Variants in PRKG2 observed in about 807,000 individuals in gnomAD.
PRKG2 encodes cGMP-dependent protein kinase 2.
PRKG2 carries 33 observed loss-of-function variants against 97.2 expected under a neutral mutation model. The observed-to-expected ratio is 0.34, with a 90% CI of 0.26 to 0.45. The LOEUF (loss-of-function observed/expected upper bound fraction) is 0.45, where lower values mean the gene tolerates loss of function less well. Ranked by LOEUF, PRKG2 falls within the 20% of genes least tolerant of loss-of-function variation. The probability of loss-of-function intolerance (pLI) is 1.00; values close to 1 mark genes in which losing one functional copy is unlikely to be tolerated. For synonymous variants in PRKG2, 330 were observed against 321.8 expected, an observed-to-expected ratio of 1.03 and a Z score of -0.27; for missense variants, 638 against 900.0, an observed-to-expected ratio of 0.71 and a Z score of 3.73.
chr4:81,207,154 T>C (rs1264541248), intron 1 of PRKG2, among the ~76,000 whole-genome samples: 3 of 152,176 alleles, frequency 2.0e-5, no homozygotes, highest in African/African-American at 7.2e-5. Flanking sequence ...ATATGTTATA[T>C]TGAAATCTGA....
intron 2 of PRKG2, among the ~76,000 whole-genome samples, chr4:81,179,380 A>G (rs184862268): frequency 3.0e-4 from 46 of 152,350 alleles, no homozygotes; most frequent in Non-Finnish European, 5.7e-4. Context: ...AGAACACAGT[A>G]GCATATCTTA....
At chr4:81,163,963 T>C (rs528737336) in intron 6 of PRKG2, among the ~76,000 whole-genome samples, 1 of 151,968 alleles carries the variant, frequency 6.6e-6, no homozygotes, top group East Asian at 1.9e-4. Context: ...TTACAGTTAG[T>C]TATTTATGTT....
chr4:81,137,392 C>T lies in PRKG2; in HGVS notation c.1634+1G>A, dbSNP rs1746816692. ...TGTGAGTATACAAACTTTTTCATTA[C>T]CTGTCCCTTAATATACTCCAGAGCT... On this transcript the variant is annotated splice_donor_variant, in intron 13 of 18. Transcript: ENST00000264399. LOFTEE classifies it high-confidence loss of function. The T allele has an allele frequency of 6.2e-7, 1 of 1,600,146 alleles. No individual in the cohort carries two copies. The highest frequency in any genetic ancestry group is 8.6e-7 in the Non-Finnish European group (1 of 1,167,720).
chr4:81,157,784 T>C (rs969518324), intron 6 of PRKG2, among the ~76,000 whole-genome samples: 2 of 151,118 alleles, frequency 1.3e-5, no homozygotes, highest in Non-Finnish European at 2.9e-5. Context: ...TATACACAAA[T>C]CAATAGATGT....
At chr4:81,197,464 A>C (rs989422913) in intron 2 of PRKG2, among the ~76,000 whole-genome samples, 1 of 152,222 alleles carries the variant, frequency 6.6e-6, no homozygotes, top group African/African-American at 2.4e-5. Flanking sequence ...AAATTAAAAC[A>C]ATAGCAAGCG....
intron 8 of PRKG2, 25 bp from the exon 9 acceptor site, chr4:81,148,977 A>G (rs1560580122): frequency 1.2e-6 from 2 of 1,600,180 alleles, no homozygotes; most frequent in Admixed American, 1.7e-5. Flanking sequence ...AGGAAAGTCA[A>G]TTTTCACTAT....
At position 81,153,215 on chromosome 4, in the gene PRKG2, G is replaced by C. The variant is rs561759148; in HGVS notation, c.990+429C>G. Among the ~76,000 whole-genome samples the C allele has an allele frequency of 2.5e-4, 38 of 152,280 alleles. No homozygotes were observed. The Middle Eastern group carries it at 0.014, about 55-fold the overall frequency. ...ATTCTGAGCCATATTGGTTCTATAA[G>C]CCTGATACCTAATCATGACTGTCTT... On this transcript the variant is annotated intron_variant, in intron 7 of 18. Coordinates refer to ENST00000264399, the MANE Select transcript of PRKG2 (RefSeq NM_006259.3).
At chr4:81,147,936 G>T (rs1578420773) in intron 9 of PRKG2, among the ~76,000 whole-genome samples, 1 of 152,088 alleles carries the variant, frequency 6.6e-6, no homozygotes, top group African/African-American at 2.4e-5. Flanking sequence ...GAGATAGCAG[G>T]AAGTGGTAAA....
At chr4:81,145,941 C>T (rs1747816804) in intron 9 of PRKG2, among the ~76,000 whole-genome samples, 1 of 152,080 alleles carries the variant, frequency 6.6e-6, no homozygotes, top group Admixed American at 6.6e-5. Context: ...TCTATATTTA[C>T]TTTATTAAGC....
rs552764677 is a variant in PRKG2, at chr4:81,172,225, T to C, written c.629-421A>G. ...TGGCAAGTGTTTTGTTTAAAATTCA[T>C]TATAACCTATGAGAAATGTAATACA... On this transcript the variant is annotated intron_variant, in intron 3 of 18. Transcript: ENST00000264399. 7.9e-5 allele frequency among the ~76,000 whole-genome samples: 12 copies of C among 152,110 alleles called. No homozygotes were observed. In the South Asian group the frequency reaches 1.0e-3, roughly 13 times the overall value.
Position 81,182,139 on chromosome 4 carries a change from G to A in PRKG2, c.462-7180C>T, listed in dbSNP as rs548624836. On this transcript the variant is annotated intron_variant, in intron 2 of 18. Transcript: ENST00000264399. ...TATAGTGCCAGAATAGCCTGATAAG[G>A]AGTTATACTACAAAAAAGAAAAATA... Among the ~76,000 whole-genome samples, 18 of 151,658 alleles carry A rather than the reference G, an allele frequency of 1.2e-4. No individual in the cohort carries two copies. The South Asian group carries it at 1.5e-3, about 12-fold the overall frequency.
chr4:81,148,875 T>A lies in PRKG2; in HGVS notation c.1154+9A>T. On this transcript the variant is annotated intron_variant, in intron 9 of 18. Coordinates refer to ENST00000264399, the MANE Select transcript of PRKG2 (RefSeq NM_006259.3). ...AGTGGCCTGCCTCCTCCAACATCAG[T>A]ATACTCACTCTCGATCTATAACCAG... The A allele has an allele frequency of 2.5e-6, 4 of 1,613,012 alleles. No homozygotes were observed. Among genetic ancestry groups the A allele is most frequent in the Non-Finnish European group, 3.4e-6 (4 of 1,179,100 alleles).
chr4:81,158,155 C>A (rs546763944), intron 6 of PRKG2, among the ~76,000 whole-genome samples: 1 of 140,476 alleles, frequency 7.1e-6, no homozygotes, highest in Non-Finnish European at 1.5e-5. Context: ...TGTTTGCAGA[C>A]GATATGATTG....
chr4:81,122,061 G>C (rs1745119978), intron 14 of PRKG2, among the ~76,000 whole-genome samples: 1 of 152,130 alleles, frequency 6.6e-6, no homozygotes, highest in Non-Finnish European at 1.5e-5. Flanking sequence ...CATTCATATA[G>C]GACATTTATT....
Position 81,092,513 on chromosome 4 carries a change from G to GAAGGAAGGAAGGAAGGAAGA in PRKG2, c.2127-62_2127-61insTCTTCCTTCCTTCCTTCCTT, listed in dbSNP as rs1553916436. Reference sequence around the variant, plus strand: ...GGAAGGAAGGAAGGAAGGAAGGAAGGGAGAAAGAAAGAGACGACAAAAAGG... The same window carrying GAAGGAAGGAAGGAAGGAAGA: ...GGAAGGAAGGAAGGAAGGAAGGAAGGAAGGAAGGAAGGAAGGAAGAGAGAAAGAAAGAGACGACAAAAAGG... On this transcript the variant is annotated intron_variant, in intron 17 of 18. Coordinates refer to ENST00000264399, the MANE Select transcript of PRKG2 (RefSeq NM_006259.3). The GAAGGAAGGAAGGAAGGAAGA allele has an allele frequency of 5.4e-5, 53 of 983,326 alleles. No homozygotes were observed. The African/African-American group carries it at 7.2e-4, about 13-fold the overall frequency. 60.9% of individuals were successfully genotyped at this position (983,326 alleles called of 1,614,324 possible).
intron 12 of PRKG2, among the ~76,000 whole-genome samples, chr4:81,138,818 A>G (rs1222504465): frequency 6.6e-6 from 1 of 152,190 alleles, no homozygotes; most frequent in African/African-American, 2.4e-5. Context: ...TTAACAAAAT[A>G]TTAATTTTAA....
chr4:81,202,771 C>T (rs1753397677), intron 2 of PRKG2, among the ~76,000 whole-genome samples: 1 of 151,542 alleles, frequency 6.6e-6, no homozygotes, highest in Non-Finnish European at 1.5e-5. Context: ...AATAATTTAT[C>T]CTTAAATAAA....
At chr4:81,194,753 G>T (rs1282765701) in intron 2 of PRKG2, among the ~76,000 whole-genome samples, 1 of 152,156 alleles carries the variant, frequency 6.6e-6, no homozygotes, top group Non-Finnish European at 1.5e-5. Context: ...GTGTTGCATG[G>T]TAATTAGGTA....
intron 6 of PRKG2, among the ~76,000 whole-genome samples, chr4:81,164,669 C>T (rs181457751): frequency 1.8e-3 from 257 of 141,676 alleles, no homozygotes; most frequent in Non-Finnish European, 3.0e-3. Flanking sequence ...CTTGAGTTTC[C>T]GATTCAGTAA....
Sources: gnomAD v4.1 joint callset for allele counts (sites outside exome capture counted in the v4.1 genomes callset) on GRCh38, gnomAD v4.1.1 for gene constraint, MANE v1.5 for transcripts, NCBI Gene and HGNC (gene_info 2026-07-23, HGNC 2026-07-21) for gene names.